The following FMN1 variants were observed in gnomAD, a reference collection of about 807,000 sequenced individuals.
FMN1 encodes the protein formin 1.
A neutral mutation model predicts 132.4 loss-of-function variants in FMN1; 110 were observed. The observed-to-expected ratio is 0.83, with a 90% CI of 0.71 to 0.97. FMN1 has a LOEUF of 0.97. Ranked by LOEUF, FMN1 falls within the 50% of genes least tolerant of loss-of-function variation. The pLI is 0.00. For synonymous variants in FMN1, 722 were observed against 651.7 expected (o/e 1.11, Z -1.64); for missense variants, 1,792 against 1,705.3 (o/e 1.05, Z -0.90).
chr15:33,017,151 G>C (rs1207992616), intron 6 of FMN1, among the ~76,000 whole-genome samples: 1 of 138,792 alleles, frequency 7.2e-6, no homozygotes, highest in African/African-American at 2.7e-5. Context: ...AAAAAAAAAA[G>C]TGGTTGCCAA....
chr15:33,021,624 T>C lies in FMN1; in HGVS notation c.2162-13549A>G, dbSNP rs140459881. Among the ~76,000 whole-genome samples, 328 of 152,308 alleles carry C rather than the reference T, an allele frequency of 2.2e-3. 1 individual carries two copies. The highest frequency in any genetic ancestry group is 7.6e-3 in the African/African-American group (316 of 41,568). ...GTCAGGAAATTCGTGGCTATATCTC[T>C]GACTTTTACCTGTATTGAAAAGGTA... On this transcript the variant is annotated intron_variant, in intron 6 of 20. Transcript: ENST00000616417.
intron 5 of FMN1, 139 bp downstream of exon 5, chr15:33,088,660 T>C (rs1038958638): frequency 5.3e-5 from 40 of 753,554 alleles, no homozygotes; most frequent in Non-Finnish European, 7.1e-5. Flanking sequence ...CTTCATTTTC[T>C]GCAGCCCACT....
chr15:33,127,491 C>T (rs1053703741), intron 4 of FMN1, among the ~76,000 whole-genome samples: 1 of 152,184 alleles, frequency 6.6e-6, no homozygotes, highest in Non-Finnish European at 1.5e-5. Context: ...CTATTACTTA[C>T]TAAATGAAAC....
At chr15:32,869,242 G>A (rs1459040700) in intron 16 of FMN1, among the ~76,000 whole-genome samples, 1 of 152,204 alleles carries the variant, frequency 6.6e-6, no homozygotes, top group Non-Finnish European at 1.5e-5. Flanking sequence ...AGGAAAGAGT[G>A]TGCGTAGGGG....
At chr15:33,170,509 A>G (rs1044385372) in intron 3 of FMN1, among the ~76,000 whole-genome samples, 1 of 152,138 alleles carries the variant, frequency 6.6e-6, no homozygotes, top group Non-Finnish European at 1.5e-5. Context: ...TCATCTGACA[A>G]GAAACAAACA....
intron 5 of FMN1, among the ~76,000 whole-genome samples, chr15:33,074,968 C>T (rs1309297217): frequency 2.2e-5 from 3 of 137,066 alleles, no homozygotes; most frequent in African/African-American, 8.1e-5. Context: ...TTGCAGTGAG[C>T]CGAGATGGCA....
chr15:33,059,496 A>G (rs1339131737), intron 6 of FMN1, among the ~76,000 whole-genome samples: 1 of 152,142 alleles, frequency 6.6e-6, no homozygotes, highest in Non-Finnish European at 1.5e-5. Flanking sequence ...GGCCGTACTA[A>G]TTTACGTTCC....
chr15:33,075,448 A>G lies in FMN1; in HGVS notation c.2044-10374T>C, dbSNP rs8036571. ...CACACCTCCGCATGCCCCAGCCGCAACCATGCCACAAGGAAACTGAGCTCC... is the reference window on the plus strand; with the variant it reads ...CACACCTCCGCATGCCCCAGCCGCAGCCATGCCACAAGGAAACTGAGCTCC... On this transcript the variant is annotated intron_variant, in intron 5 of 20. Coordinates refer to ENST00000616417, the MANE Select transcript of FMN1 (RefSeq NM_001277313.2). Among the ~76,000 whole-genome samples the G allele has an allele frequency of 1.1e-3, 167 of 152,330 alleles. 1 individual carries two copies. The highest frequency in any genetic ancestry group is 3.4e-3 in the African/African-American group (143 of 41,584).
At position 33,128,862 on chromosome 15, in the gene FMN1, G is replaced by A. The variant is rs560534221; in HGVS notation, c.1867+24186C>T. Reference sequence around the variant, plus strand: ...CGGAAGACAACCGGAGCAGACTGCAGAGGCCTGCGTGCGTGGCCAGCTTTT... The same window carrying A: ...CGGAAGACAACCGGAGCAGACTGCAAAGGCCTGCGTGCGTGGCCAGCTTTT... On this transcript the variant is annotated intron_variant, in intron 4 of 20. Coordinates refer to ENST00000616417, the MANE Select transcript of FMN1 (RefSeq NM_001277313.2). Among the ~76,000 whole-genome samples the A allele has an allele frequency of 2.2e-3, 339 of 152,334 alleles. 2 individuals carry two copies. The highest frequency in any genetic ancestry group is 0.014 in the Middle Eastern group (4 of 294).
chr15:33,026,780 A>G (rs955668733), intron 6 of FMN1, among the ~76,000 whole-genome samples: 38 of 152,118 alleles, frequency 2.5e-4, no homozygotes, highest in African/African-American at 8.7e-4. Flanking sequence ...CTCGACAGAG[A>G]GTGGAATTTT....
At chr15:32,776,762 GAGCTTT>G (rs2056431872) in intron 20 of FMN1, 67 bp downstream of exon 20, 2 of 815,212 alleles carry the variant, frequency 2.5e-6, no homozygotes, top group Non-Finnish European at 4.0e-6. Flanking sequence ...TTTCATCTCT[GAGCTTT>G]AGCCCTTCCT....
intron 19 of FMN1, among the ~76,000 whole-genome samples, chr15:32,784,332 C>T (rs1262558797): frequency 6.6e-6 from 1 of 151,480 alleles, no homozygotes; most frequent in Non-Finnish European, 1.5e-5. Flanking sequence ...TTGTTTTATA[C>T]ATTGATGATT....
At chr15:32,985,989 T>A (rs1416165774) in intron 7 of FMN1, among the ~76,000 whole-genome samples, 1 of 152,082 alleles carries the variant, frequency 6.6e-6, no homozygotes, top group Non-Finnish European at 1.5e-5. Context: ...TAGGAGTTAT[T>A]TTTCACTGAG....
chr15:32,917,073 G>C (rs1047343996), intron 10 of FMN1, among the ~76,000 whole-genome samples: 1 of 152,116 alleles, frequency 6.6e-6, no homozygotes, highest in African/African-American at 2.4e-5. Context: ...TCTTCCCACA[G>C]TTTTCCCTCC....
chr15:33,092,366 C>T (rs1191953185), intron 4 of FMN1, among the ~76,000 whole-genome samples: 1 of 152,114 alleles, frequency 6.6e-6, no homozygotes, highest in Admixed American at 6.6e-5. Flanking sequence ...ATTATTGTTC[C>T]CACTGTTTCA....
chr15:32,936,206 C>T (rs928472781), intron 9 of FMN1, among the ~76,000 whole-genome samples: 2 of 152,130 alleles, frequency 1.3e-5, no homozygotes, highest in Non-Finnish European at 2.9e-5. Flanking sequence ...AATTCATATA[C>T]ATCTGTGTCT....
At chr15:32,819,409 C>T (rs904316395) in intron 17 of FMN1, among the ~76,000 whole-genome samples, 2 of 152,298 alleles carry the variant, frequency 1.3e-5, no homozygotes, top group South Asian at 2.1e-4. Context: ...TGACTTGTAC[C>T]GTTTCAAAGG....
At chr15:32,780,512 C>T (rs1457348754) in intron 19 of FMN1, among the ~76,000 whole-genome samples, 1 of 152,158 alleles carries the variant, frequency 6.6e-6, no homozygotes, top group Non-Finnish European at 1.5e-5. Flanking sequence ...AAAAAATAAC[C>T]ATAAAAGTGG....
chr15:32,889,116 A>G (rs1255461952), intron 15 of FMN1, among the ~76,000 whole-genome samples: 1 of 152,094 alleles, frequency 6.6e-6, no homozygotes, highest in Non-Finnish European at 1.5e-5. Flanking sequence ...TGGCTTCCCC[A>G]AAATTCTTCA....
Sources: gnomAD v4.1 joint callset for allele counts (sites outside exome capture counted in the v4.1 genomes callset) on GRCh38, gnomAD v4.1.1 for gene constraint, MANE v1.5 for transcripts, NCBI Gene and HGNC (gene_info 2026-07-23, HGNC 2026-07-21) for gene names.